Variants in PRDM8 observed in about 807,000 individuals in gnomAD.
PRDM8 encodes the protein PR domain zinc finger protein 8.
Under a neutral mutation model 46.5 loss-of-function variants are expected in PRDM8, and 13 were observed. The observed-to-expected ratio is 0.28, with a 90% CI of 0.18 to 0.44. The LOEUF (loss-of-function observed/expected upper bound fraction) is 0.44. Ranked by LOEUF, PRDM8 falls within the 20% of genes least tolerant of loss-of-function variation. The pLI is 1.00. For missense variants in PRDM8, 998 were observed against 955.0 expected, an observed-to-expected ratio of 1.04 and a Z score of -0.59; for synonymous variants, 473 against 438.4, an observed-to-expected ratio of 1.08 and a Z score of -0.98.
At chr4:80,201,601 CGTTG>C in intron 3 of PRDM8, 80 bp downstream of exon 3, 2 of 1,391,872 alleles carry the variant, frequency 1.4e-6, no homozygotes, top group Non-Finnish European at 2.0e-6. Flanking sequence ...TCACCCGGCG[CGTTG>C]GCGCGCCTTT....
chr4:80,195,928 CAGAG>C (rs1553904276), upstream of PRDM8: 978 of 140,610 alleles, frequency 7.0e-3, 3 homozygotes, highest in Middle Eastern at 0.019. Flanking sequence ...CACACACACA[CAGAG>C]AGAGAGAGAG....
chr4:80,196,722 A>T, upstream of PRDM8: 1 of 900,606 alleles, frequency 1.1e-6, no homozygotes, highest in Non-Finnish European at 1.3e-6. Flanking sequence ...GGGGGGGAAA[A>T]ACCCCACGAA....
chr4:80,193,766 T>A (rs1382953662), upstream of PRDM8, among the ~76,000 whole-genome samples: 1 of 152,146 alleles, frequency 6.6e-6, no homozygotes, highest in East Asian at 1.9e-4. Context: ...TCCATTGGCA[T>A]CCTCTTATCT....
chr4:80,188,591 G>A (rs1275291296), intron 1 of PRDM8, among the ~76,000 whole-genome samples: 2 of 152,202 alleles, frequency 1.3e-5, no homozygotes, highest in African/African-American at 4.8e-5. Context: ...GTTCAGACCT[G>A]AGTGTTCAAA....
chr4:80,189,793 C>G (rs186415285), intron 1 of PRDM8: 47 of 152,318 alleles, frequency 3.1e-4, no homozygotes, highest in African/African-American at 9.6e-4. Context: ...GTCCTGGTTC[C>G]CCTGTGGAAT....
rs1738644660 is a variant in PRDM8 at position 80,202,881 on chromosome 4, C to T, written c.1419C>T (p.Ser473=). 3.1e-6 allele frequency: 4 copies of T among 1,284,896 alleles called. No individual in the cohort carries two copies. Among genetic ancestry groups the T allele is most frequent in the Non-Finnish European group, 3.9e-6 (4 of 1,024,688 alleles). The allele number at this position is 1,284,896 out of a possible 1,614,324, so 79.6% of individuals were successfully genotyped here. A position where few individuals can be genotyped will look rare whatever the true frequency, so the allele number is the denominator to read the frequency against. The stretch of plus-strand genomic sequence containing the variant: ...AGCTGGGCAGCGCGGGCAGCACCAG[C>T]GGTGGGGGCGGAACGGGCGCCGGGG... The part of the protein sequence containing the change: ...VPQLGSAGST[S]GGGGTGAGAA... Residue 473 remains serine, a synonymous_variant, in exon 4 of 4, where the codon AGC becomes AGT. Coordinates refer to ENST00000415738, the MANE Select transcript of PRDM8 (RefSeq NM_001099403.2).
At chr4:80,189,215 T>C (rs963305717) in intron 1 of PRDM8, among the ~76,000 whole-genome samples, 6 of 152,208 alleles carry the variant, frequency 3.9e-5, no homozygotes, top group African/African-American at 1.2e-4. Context: ...CGTGTTCACA[T>C]GCTTCTCATC....
At position 80,202,566 on chromosome 4, in the gene PRDM8, C is replaced by T. The variant is rs1738591619; in HGVS notation, c.1104C>T (p.Gly368=). 1.3e-6 allele frequency: 2 copies of T among 1,534,578 alleles called. No individual in the cohort carries two copies. Among genetic ancestry groups the T allele is most frequent in the Admixed American group, 3.9e-5 (2 of 50,980 alleles). ...GCTACTTCGGCCTGGAAGAGAACGG[C>T]CGCCTCTTCGCGCCGCCAAGTCCCG... is the stretch of plus-strand genomic sequence containing the variant. ...SGSYFGLEEN[G]RLFAPPSPET... The change falls in exon 4 of 4, where the codon GGC becomes GGT. Residue 368 remains glycine, a synonymous_variant. Coordinates refer to ENST00000415738, the MANE Select transcript of PRDM8 (RefSeq NM_001099403.2).
rs752311192 is a variant in PRDM8 at position 80,203,171 on chromosome 4, C to T, written c.1709C>T (p.Pro570Leu). 6.5e-7 allele frequency: 1 copy of T among 1,547,312 alleles called. No individual in the cohort carries two copies. The highest frequency in any genetic ancestry group is 8.7e-7 in the Non-Finnish European group (1 of 1,151,628). ...GSLPSGGGGL[P>L]KQSPFLYATA... ...CTGCCGAGCGGCGGCGGCGGCCTGC[C>T]TAAGCAGAGCCCCTTCCTGTACGCC... The change falls in exon 4 of 4, where the codon CCT becomes CTT. Residue 570 changes from proline (P) to leucine (L), a missense_variant. Pro to Leu is a moderately conservative substitution (Grantham distance 98, BLOSUM62 -3). Transcript: ENST00000415738.
chr4:80,186,430 G>GGAGAGAGAGAGAGAGAGAGAGAGAGA lies in PRDM8; in HGVS notation c.-983+913_-983+938dup, dbSNP rs70944766. On this transcript the variant is annotated intron_variant, in intron 1 of 9. Coordinates refer to the PRDM8 transcript ENST00000339711. ...AGAAGGGAGAGAGAGAAGGCAGGGT[G>GGAGAGAGAGAGAGAGAGAGAGAGAGA]GAGAGAGAGAGAGAGAGAGAGAGAG... Among the ~76,000 whole-genome samples the GGAGAGAGAGAGAGAGAGAGAGAGAGA allele has an allele frequency of 6.0e-3, 779 of 129,958 alleles. 30 individuals are homozygous for GGAGAGAGAGAGAGAGAGAGAGAGAGA. The highest frequency in any genetic ancestry group is 8.7e-3 in the East Asian group (36 of 4,144). 85.3% of individuals were successfully genotyped at this position (129,958 alleles called of 152,430 possible).
At chr4:80,194,473 A>G (rs138124964), upstream of PRDM8, among the ~76,000 whole-genome samples, 19 of 152,352 alleles carry the variant, frequency 1.2e-4, no homozygotes, top group African/African-American at 4.3e-4. Flanking sequence ...AAAGTAGTTT[A>G]TGTACCATTT....
chr4:80,201,877 C>T (rs553329061), intron 3 of PRDM8, 37 bp from the exon 4 acceptor site: 27 of 1,387,302 alleles, frequency 1.9e-5, no homozygotes, highest in African/African-American at 1.3e-4. Flanking sequence ...TGTGTGTGTG[C>T]GTGCGTGCGT....
chr4:80,198,740 ATAAAT>A (rs1738162892), intron 1 of PRDM8, among the ~76,000 whole-genome samples: 1 of 152,204 alleles, frequency 6.6e-6, no homozygotes, highest in Non-Finnish European at 1.5e-5. Context: ...ACTGGTTAAT[ATAAAT>A]TAAAATAAAA....
chr4:80,189,448 G>T (rs955465863), intron 1 of PRDM8, among the ~76,000 whole-genome samples: 3 of 152,092 alleles, frequency 2.0e-5, no homozygotes, highest in Non-Finnish European at 4.4e-5. Context: ...TGCGCGGTGC[G>T]GGCTGGGAAA....
Position 80,198,990 on chromosome 4 carries a change from T to G in PRDM8, c.-2-1089T>G, listed in dbSNP as rs75005161. ...CCTGGGTTTTTTTGGGTTTTTTTTT[T>G]TTTGTTTTTTTTTTTTTTTTTTTTT... On this transcript the variant is annotated intron_variant, in intron 1 of 3. Coordinates refer to ENST00000415738, the MANE Select transcript of PRDM8 (RefSeq NM_001099403.2). Among the ~76,000 whole-genome samples, 109 of 100,834 alleles carry G rather than the reference T, an allele frequency of 1.1e-3. 1 individual carries two copies. In the South Asian group the frequency reaches 0.018, roughly 17 times the overall value. 66.2% of individuals were successfully genotyped at this position (100,834 alleles called of 152,430 possible). A position where few individuals can be genotyped will look rare whatever the true frequency, so the allele number is the denominator to read the frequency against.
rs535702190 is a variant in PRDM8 at position 80,197,716 on chromosome 4, G to C, written c.-50G>C. The C allele has an allele frequency of 1.0e-6, 1 of 982,166 alleles. No homozygotes were observed. The highest frequency in any genetic ancestry group is 1.8e-5 in the African/African-American group (1 of 57,118). 60.8% of individuals were successfully genotyped at this position (982,166 alleles called of 1,614,324 possible). A position where few individuals can be genotyped will look rare whatever the true frequency, so the allele number is the denominator to read the frequency against. On this transcript the variant is annotated 5_prime_UTR_variant, in exon 1 of 4. Transcript: ENST00000415738. ...AGGAAACACTCGATTGCATCTTCCC[G>C]GTTCCAGGTGGCCTTATTTGGGAGA... is the stretch of plus-strand genomic sequence containing the variant.
At position 80,201,493 on chromosome 4, in the gene PRDM8, C is replaced by T. The variant is rs1738440486; in HGVS notation, c.423C>T (p.Cys141=). 2.5e-6 allele frequency: 4 copies of T among 1,614,092 alleles called. No individual in the cohort carries two copies. The highest frequency in any genetic ancestry group is 3.4e-6 in the Non-Finnish European group (4 of 1,179,928). Residue 141 remains cysteine (C), a synonymous_variant, in exon 3 of 4, where the codon TGC becomes TGT. Coordinates refer to ENST00000415738, the MANE Select transcript of PRDM8 (RefSeq NM_001099403.2). ...GKELTELLLL[C]PSRSHNKMNG... ...AACTGACTGAGTTACTCTTGCTCTG[C>T]CCCTCTAGATCCCACAACAAAATGA...
Position 80,197,656 on chromosome 4 carries a change from T to C in PRDM8, c.-110T>C. On this transcript the variant is annotated 5_prime_UTR_variant, in exon 1 of 4. Transcript: ENST00000415738. ...CCTAAAAGGCGGCAACACCAACACC[T>C]CTTGACATGGAAATACACTGATACA... The C allele has an allele frequency of 1.0e-6, 1 of 979,678 alleles. No individual in the cohort carries two copies. Among genetic ancestry groups the C allele is most frequent in the Non-Finnish European group, 1.2e-6 (1 of 827,492 alleles). 60.7% of individuals were successfully genotyped at this position (979,678 alleles called of 1,614,324 possible).
upstream of PRDM8, chr4:80,195,959 A>AGAGAGAGAGAGAGAGAGAGAGAG (rs1293897148): frequency 7.4e-6 from 4 of 543,204 alleles, no homozygotes; most frequent in East Asian, 1.5e-4. Context: ...AGAGAGAGAG[A>AGAGAGAGAGAGAGAGAGAGAGAG]ACAAGGAAGA....
Sources: allele counts gnomAD v4.1 joint callset (sites outside exome capture counted in the v4.1 genomes callset), GRCh38; gene constraint gnomAD v4.1.1; transcripts MANE v1.5; gene names NCBI Gene and HGNC (gene_info 2026-07-23, HGNC 2026-07-21).